Variants in MELK observed in about 807,000 individuals in gnomAD.
The protein encoded by MELK is maternal embryonic leucine zipper kinase.
Under a neutral mutation model 85.0 loss-of-function variants are expected in MELK, and 81 were observed. That is an observed-to-expected ratio of 0.95 (90% CI 0.80 to 1.15). The LOEUF (loss-of-function observed/expected upper bound fraction) is 1.15. MELK is among the 50% of genes most tolerant of loss of function. The pLI is 0.00. For missense variants in MELK, 754 were observed against 777.5 expected (o/e 0.97, Z 0.36); for synonymous variants, 252 against 265.0 (o/e 0.95, Z 0.48).
At chr9:36,643,949 A>G (rs866854871) in intron 11 of MELK, among the ~76,000 whole-genome samples, 3 of 149,938 alleles carry the variant, frequency 2.0e-5, no homozygotes, top group Admixed American at 1.3e-4. Flanking sequence ...AAAAAAAAAA[A>G]GAAAAGAAAC....
intron 3 of MELK, among the ~76,000 whole-genome samples, chr9:36,586,634 G>C (rs1400548815): frequency 1.3e-5 from 2 of 152,048 alleles, no homozygotes; most frequent in African/African-American, 4.8e-5. Flanking sequence ...TTAAATTTCA[G>C]TTATAACTTT....
chr9:36,628,567 G>A (rs576393679), intron 8 of MELK, among the ~76,000 whole-genome samples: 14 of 150,646 alleles, frequency 9.3e-5, no homozygotes, highest in East Asian at 2.0e-4. Flanking sequence ...CTACAGGTGC[G>A]TGCCACCACG....
chr9:36,640,337 G>A (rs924688266), intron 10 of MELK, among the ~76,000 whole-genome samples: 4 of 152,152 alleles, frequency 2.6e-5, no homozygotes, highest in African/African-American at 9.7e-5. Context: ...GTTTGATGAG[G>A]GCCCACTTTC....
chr9:36,660,638 A>G (rs1370449597), intron 13 of MELK, among the ~76,000 whole-genome samples: 1 of 151,304 alleles, frequency 6.6e-6, no homozygotes, highest in Non-Finnish European at 1.5e-5. Flanking sequence ...AATCTTTTTA[A>G]CAGATGCTGC....
At chr9:36,615,069 T>C (rs1587438705) in intron 8 of MELK, among the ~76,000 whole-genome samples, 3 of 118,490 alleles carry the variant, frequency 2.5e-5, no homozygotes, top group African/African-American at 3.8e-5. Context: ...GCGGGGGGGC[T>C]GACCCCCCCC....
chr9:36,630,418 C>T, intron 9 of MELK, 51 bp downstream of exon 9: 1 of 1,433,554 alleles, frequency 7.0e-7, no homozygotes, highest in Admixed American at 1.7e-5. Flanking sequence ...TTTGGTTCAA[C>T]TTTTAAGATA....
At chr9:36,599,599 T>C in intron 7 of MELK, 113 bp downstream of exon 7, 1 of 647,340 alleles carries the variant, frequency 1.5e-6, no homozygotes, top group Admixed American at 2.7e-5. Flanking sequence ...GAAATAATCT[T>C]GTTAATCAGA....
intron 3 of MELK, among the ~76,000 whole-genome samples, chr9:36,589,079 A>G (rs1387308171): frequency 2.6e-5 from 4 of 152,168 alleles, no homozygotes; most frequent in Admixed American, 1.3e-4. Flanking sequence ...ATGCACATGC[A>G]AATAAATTTT....
intron 12 of MELK, among the ~76,000 whole-genome samples, chr9:36,653,711 G>A (rs529369544): frequency 3.7e-4 from 56 of 152,134 alleles, no homozygotes; most frequent in Admixed American, 5.9e-4. Context: ...CCCTGTTTAT[G>A]AAATCCAAGA....
chr9:36,659,809 A>AT (rs1269055752), intron 13 of MELK, among the ~76,000 whole-genome samples: 2 of 151,778 alleles, frequency 1.3e-5, no homozygotes, highest in African/African-American at 4.8e-5. Context: ...TTTTATTTTT[A>AT]TTTTTTTGAG....
intron 4 of MELK, among the ~76,000 whole-genome samples, chr9:36,592,265 C>T (rs1341302168): frequency 6.6e-6 from 1 of 150,912 alleles, no homozygotes; most frequent in East Asian, 1.9e-4. Flanking sequence ...ACCTCCGCCT[C>T]CCGGGTTCAA....
chr9:36,615,340 G>C (rs1826555939), intron 8 of MELK, among the ~76,000 whole-genome samples: 1 of 130,198 alleles, frequency 7.7e-6, no homozygotes, highest in African/African-American at 3.2e-5. Context: ...TGGCCGGGCG[G>C]GGGGCTGACC....
intron 7 of MELK, among the ~76,000 whole-genome samples, chr9:36,601,210 A>G (rs1564144937): frequency 1.3e-5 from 2 of 152,198 alleles, no homozygotes; most frequent in East Asian, 1.9e-4. Flanking sequence ...AATTGTACCA[A>G]TAATGTCCTT....
chr9:36,677,593 A>C lies in MELK; in HGVS notation c.*256A>C. The stretch of plus-strand genomic sequence containing the variant: ...TATATTAATAATTGTTGACTTTCTT[A>C]GATTCACTTCCATATGTGAATGTAA... On this transcript the variant is annotated 3_prime_UTR_variant, in exon 18 of 18. Coordinates refer to ENST00000298048, the MANE Select transcript of MELK (RefSeq NM_014791.4). 3.5e-6 allele frequency: 1 copy of C among 283,990 alleles called. No individual in the cohort carries two copies. The highest frequency in any genetic ancestry group is 6.5e-6 in the Non-Finnish European group (1 of 154,586). The allele number at this position is 283,990 out of a possible 1,614,324, so 17.6% of individuals were successfully genotyped here.
chr9:36,649,614 C>CAA (rs1830513495), intron 11 of MELK, among the ~76,000 whole-genome samples: 1 of 151,612 alleles, frequency 6.6e-6, no homozygotes, highest in African/African-American at 2.4e-5. Context: ...ACTAAAAATA[C>CAA]AAAAATTAGC....
chr9:36,617,862 G>A (rs1564168417), intron 8 of MELK, among the ~76,000 whole-genome samples: 1 of 152,082 alleles, frequency 6.6e-6, no homozygotes, highest in Non-Finnish European at 1.5e-5. Flanking sequence ...GTGGTGGCTC[G>A]TGCCTGTAGT....
intron 10 of MELK, among the ~76,000 whole-genome samples, chr9:36,636,802 T>G (rs5027638): frequency 0.23 from 16,692 of 72,576 alleles, 1,730 homozygotes; most frequent in African/African-American, 0.37. Context: ...CTTTCTTTCT[T>G]TCTGTCTTTC....
chr9:36,615,060 C>T (rs1275371662), intron 8 of MELK, among the ~76,000 whole-genome samples: 14 of 128,106 alleles, frequency 1.1e-4, no homozygotes, highest in African/African-American at 3.6e-4. Context: ...GCTGGCCGGG[C>T]GGGGGGGCTG....
chr9:36,581,078 T>C (rs1822190692), intron 1 of MELK, among the ~76,000 whole-genome samples: 1 of 152,222 alleles, frequency 6.6e-6, no homozygotes, highest in Non-Finnish European at 1.5e-5. Context: ...GTTTTTCTTA[T>C]TGTTTTGTCA....
Sources: gnomAD v4.1 joint callset for allele counts (sites outside exome capture counted in the v4.1 genomes callset) on GRCh38, gnomAD v4.1.1 for gene constraint, MANE v1.5 for transcripts, NCBI Gene and HGNC (gene_info 2026-07-23, HGNC 2026-07-21) for gene names.